The following ATM variants were observed in gnomAD, a reference collection of about 807,000 sequenced individuals.
The protein encoded by ATM is ATM serine/threonine kinase.
ATM carries 308 observed loss-of-function variants against 387.0 expected under a neutral mutation model. The ratio of observed to expected loss-of-function variants is 0.80; its 90% CI spans 0.73 to 0.87. The LOEUF is 0.87. ATM is among the 40% of genes least tolerant of loss of function. The pLI, the probability that ATM is intolerant of heterozygous loss-of-function variation, is 0.00. For missense variants in ATM, 3,312 were observed against 3,560.9 expected (o/e 0.93, Z 1.78); for synonymous variants, 1,156 against 1,187.3 (o/e 0.97, Z 0.54).
Position 108,229,340 on chromosome 11 carries a change from A to T in ATM, c.331+17A>T, listed in dbSNP as rs756843866. The T allele has an allele frequency of 6.2e-7, 1 of 1,605,978 alleles. No individual in the cohort carries two copies. Among genetic ancestry groups the T allele is most frequent in the Non-Finnish European group, 8.5e-7 (1 of 1,174,748 alleles). On this transcript the variant is annotated intron_variant, in intron 4 of 62. Coordinates refer to ENST00000675843, the MANE Select transcript of ATM (RefSeq NM_000051.4). ...CAAACAGAAGTAAGTGATGTTATAA[A>T]TTATAAATAAATGGCTTAACAGATT...
chr11:108,356,991 C>T (rs2090027937), intron 61 of ATM, among the ~76,000 whole-genome samples: 2 of 152,180 alleles, frequency 1.3e-5, no homozygotes, highest in South Asian at 2.1e-4. Flanking sequence ...CCAGCGTGAG[C>T]GATGCAGAAG....
Position 108,327,743 on chromosome 11 carries a change from G to T in ATM, c.7074G>T (p.Gln2358His), listed in dbSNP as rs1060501593. Residue 2358 changes from glutamine (Q) to histidine (H), a missense_variant, in exon 48 of 63, where the codon CAG (glutamine) becomes CAT (histidine). Physicochemically the swap from Gln to His is conservative, Grantham distance 24 (BLOSUM62 0). Around this residue, in one of 4 missense-constraint regions of ATM, gnomAD observed 1,405 missense variants for 1,604.4 expected, o/e 0.88. Coordinates refer to ENST00000675843, the MANE Select transcript of ATM (RefSeq NM_000051.4). The part of the protein sequence containing the change: ...TCLENPAVIM[Q>H]TYLEKAVEVA... ...TAGAAAATCCTGCGGTCATCATGCA[G>T]ACCTATCTAGAAAAGGTAAGATTTT... 6.2e-7 allele frequency: 1 copy of T among 1,613,694 alleles called. No individual in the cohort carries two copies. Among genetic ancestry groups the T allele is most frequent in the South Asian group, 1.1e-5 (1 of 91,058 alleles).
rs560691658 is a variant in ATM at position 108,248,971 on chromosome 11, A to G, written c.1104A>G (p.Gln368=). The change falls in exon 9 of 63, where the codon CAA becomes CAG. Residue 368 remains glutamine (Q), a synonymous_variant. Coordinates refer to ENST00000675843, the MANE Select transcript of ATM (RefSeq NM_000051.4). ...ATACCAGATCCTTGGAGATTTCTCA[A>G]TCTTACACTACTACACAAAGAGAAT... The part of the protein sequence containing the change: ...NEDTRSLEIS[Q]SYTTTQRESS... 16 of 1,612,568 alleles carry G rather than the reference A, an allele frequency of 9.9e-6. 1 individual carries two copies. Among genetic ancestry groups the G allele is most frequent in the East Asian group, 4.5e-5 (2 of 44,840 alleles).
intron 38 of ATM, among the ~76,000 whole-genome samples, chr11:108,309,365 G>A (rs1234321495): frequency 1.3e-5 from 2 of 152,168 alleles, no homozygotes; most frequent in Non-Finnish European, 2.9e-5. Context: ...TTGCTGTGTA[G>A]TAGGGTGTGC....
intron 56 of ATM, chr11:108,340,295 A>G (rs2087383812): frequency 6.6e-6 from 1 of 152,136 alleles, no homozygotes; most frequent in African/African-American, 2.4e-5. Flanking sequence ...CTTTCCACCA[A>G]CTTCCTTCCA....
At chr11:108,285,041 C>T (rs765159514) in intron 26 of ATM, among the ~76,000 whole-genome samples, 7 of 152,148 alleles carry the variant, frequency 4.6e-5, no homozygotes, top group Non-Finnish European at 8.8e-5. Flanking sequence ...TTCACTGAAG[C>T]CTCTGTCTCC....
intron 33 of ATM, among the ~76,000 whole-genome samples, chr11:108,297,694 T>A (rs1372936123): frequency 6.6e-6 from 1 of 152,204 alleles, no homozygotes; most frequent in South Asian, 2.1e-4. Context: ...ATCTTTATTA[T>A]ATGAGTGGTT....
chr11:108,354,687 A>G (rs969384235), intron 60 of ATM, 124 bp from the exon 61 acceptor site: 2 of 869,796 alleles, frequency 2.3e-6, no homozygotes, highest in Non-Finnish European at 3.9e-6. Context: ...TGCTATTTTG[A>G]GATACAGATA....
rs1257694699 is a variant in ATM at position 108,308,985 on chromosome 11, G to C, written c.5762+1001G>C. ...TCATTTCAGACTTACCATTGGGGTA[G>C]AATGGTGTTGACATTAGCAGGAGTT... On this transcript the variant is annotated intron_variant, in intron 38 of 62. Coordinates refer to ENST00000675843, the MANE Select transcript of ATM (RefSeq NM_000051.4). 5 of 1,518,606 alleles carry C rather than the reference G, an allele frequency of 3.3e-6. No individual in the cohort carries two copies. The South Asian group carries it at 6.0e-5, about 18-fold the overall frequency. The allele number at this position is 1,518,606 out of a possible 1,614,324, so 94.1% of individuals were successfully genotyped here. A position where few individuals can be genotyped will look rare whatever the true frequency, so the allele number is the denominator to read the frequency against.
chr11:108,258,692 C>T (rs2080665025), intron 15 of ATM, among the ~76,000 whole-genome samples: 3 of 152,118 alleles, frequency 2.0e-5, no homozygotes, highest in Admixed American at 6.5e-5. Context: ...TGTTTTTCCT[C>T]CTTTTTGGTG....
At chr11:108,232,948 C>T (rs984023864) in intron 4 of ATM, among the ~76,000 whole-genome samples, 3 of 152,012 alleles carry the variant, frequency 2.0e-5, no homozygotes, top group Admixed American at 6.6e-5. Context: ...CTGCAACCTC[C>T]GCCTCCCGGG....
At chr11:108,332,077 A>C (rs968158978) in intron 52 of ATM, 40 bp downstream of exon 52, 1 of 1,606,548 alleles carries the variant, frequency 6.2e-7, no homozygotes, top group Non-Finnish European at 8.5e-7. Context: ...GAAGTGTGAT[A>C]TTCAGTCTTT....
chr11:108,317,638 TATATATATATATATACACAC>T lies in ATM; in HGVS notation c.6347+119_6347+138del, dbSNP rs1325010774. On this transcript the variant is annotated intron_variant, in intron 43 of 62. Coordinates refer to ENST00000675843, the MANE Select transcript of ATM (RefSeq NM_000051.4). Reference sequence around the variant, plus strand: ...TTTTATATATATATATATATATATATATATATATATATATACACACACACACACACACACACTATATATAT... The same window carrying T: ...TTTTATATATATATATATATATATATACACACACACACACACTATATATAT... 9.6e-4 allele frequency: 170 copies of T among 176,178 alleles called. 4 individuals carry two copies. The highest frequency in any genetic ancestry group is 5.7e-3 in the African/African-American group (158 of 27,648). The allele number at this position is 176,178 out of a possible 1,614,324, so 10.9% of individuals were successfully genotyped here. A position where few individuals can be genotyped will look rare whatever the true frequency, so the allele number is the denominator to read the frequency against.
chr11:108,347,763 A>C (rs1169419933), intron 59 of ATM, among the ~76,000 whole-genome samples: 1 of 152,110 alleles, frequency 6.6e-6, no homozygotes, highest in African/African-American at 2.4e-5. Context: ...CGCTTGAGAG[A>C]GAGATTGGTA....
rs55707010 is a variant in ATM at position 108,268,384 on chromosome 11, T to C, written c.2639-26T>C. Reference sequence around the variant, plus strand: ...TATGGCTGTTGTGCCCTTCTCTTAGTGTTAATGAGTGCTTTTTATTTTTAG... The same window carrying C: ...TATGGCTGTTGTGCCCTTCTCTTAGCGTTAATGAGTGCTTTTTATTTTTAG... On this transcript the variant is annotated intron_variant, in intron 17 of 62. Coordinates refer to ENST00000675843, the MANE Select transcript of ATM (RefSeq NM_000051.4). 3 of 1,600,516 alleles carry C rather than the reference T, an allele frequency of 1.9e-6. No homozygotes were observed. The East Asian group carries it at 6.7e-5, about 36-fold the overall frequency.
chr11:108,310,784 A>C (rs660429), intron 39 of ATM, among the ~76,000 whole-genome samples: 79,828 of 151,962 alleles, frequency 0.53, 21,804 homozygotes, highest in Middle Eastern at 0.74. Context: ...TCTGTGACTA[A>C]TTAAGTTTCA....
chr11:108,344,837 C>G (rs955350473), intron 57 of ATM, among the ~76,000 whole-genome samples: 5 of 151,846 alleles, frequency 3.3e-5, no homozygotes, highest in African/African-American at 1.2e-4. Flanking sequence ...GACCACATCT[C>G]TACAAAAAAT....
At chr11:108,296,632 G>A (rs935178701) in intron 32 of ATM, among the ~76,000 whole-genome samples, 5 of 151,984 alleles carry the variant, frequency 3.3e-5, no homozygotes, top group African/African-American at 4.8e-5. Context: ...TGAGCATAGA[G>A]TTTCTAATAC....
chr11:108,359,002 A>G (rs910898839), intron 61 of ATM, among the ~76,000 whole-genome samples: 1 of 151,756 alleles, frequency 6.6e-6, no homozygotes, highest in African/African-American at 2.4e-5. Context: ...CAGACTGGCA[A>G]ATTGGATAAA....
Sources: allele counts gnomAD v4.1 joint callset (sites outside exome capture counted in the v4.1 genomes callset), GRCh38; gene constraint gnomAD v4.1.1; regional missense constraint gnomAD v4.1.1; transcripts MANE v1.5; gene names NCBI Gene and HGNC (gene_info 2026-07-23, HGNC 2026-07-21).